Variants in CAMKMT observed in about 807,000 individuals in gnomAD.
CAMKMT encodes calmodulin-lysine N-methyltransferase.
Under a neutral mutation model 48.0 loss-of-function variants are expected in CAMKMT, and 53 were observed. The ratio of observed to expected loss-of-function variants is 1.10; its 90% CI spans 0.89 to 1.39. CAMKMT has a LOEUF of 1.39. CAMKMT is among the 40% of genes most tolerant of loss of function. The probability of loss-of-function intolerance (pLI) is 0.00; values close to 1 mark genes in which losing one functional copy is unlikely to be tolerated. For synonymous variants in CAMKMT, 165 were observed against 152.3 expected (o/e 1.08, Z -0.61); for missense variants, 428 against 402.7 (o/e 1.06, Z -0.54).
rs148741757 is a variant in CAMKMT, at chr2:44,615,546, C to T, written c.377-88737C>T. Among the ~76,000 whole-genome samples, 132 of 152,030 alleles carry T rather than the reference C, an allele frequency of 8.7e-4. 2 individuals carry two copies. The highest frequency in any genetic ancestry group is 3.1e-3 in the African/African-American group (127 of 41,480). On this transcript the variant is annotated intron_variant, in intron 3 of 10. Coordinates refer to ENST00000378494, the MANE Select transcript of CAMKMT (RefSeq NM_024766.5). Reference sequence around the variant, plus strand: ...CCAGGTTTCTGCCTTGGGTAGCTGGCAGGATGATGATGCAGTTCACTGAGG... The same window carrying T: ...CCAGGTTTCTGCCTTGGGTAGCTGGTAGGATGATGATGCAGTTCACTGAGG...
chr2:44,684,572 A>G (rs1407253926), intron 3 of CAMKMT, among the ~76,000 whole-genome samples: 2 of 152,164 alleles, frequency 1.3e-5, no homozygotes, highest in Non-Finnish European at 2.9e-5. Context: ...CCAGGCTCCT[A>G]TGATTAGAGA....
chr2:44,400,037 C>T (rs1426433674), intron 3 of CAMKMT, among the ~76,000 whole-genome samples: 1 of 152,168 alleles, frequency 6.6e-6, no homozygotes, highest in Non-Finnish European at 1.5e-5. Flanking sequence ...GTACCTTTCA[C>T]AAAGCCTGAC....
chr2:44,761,621 GT>G, intron 9 of CAMKMT, among the ~76,000 whole-genome samples: 2 of 152,300 alleles, frequency 1.3e-5, no homozygotes, highest in Middle Eastern at 6.8e-3. Flanking sequence ...TCAGAACACA[GT>G]TTGAGAACCA....
In CAMKMT at chr2:44,666,798, T is replaced by A. The variant is rs148656332; in HGVS notation, c.377-37485T>A. On this transcript the variant is annotated intron_variant, in intron 3 of 10. Coordinates refer to ENST00000378494, the MANE Select transcript of CAMKMT (RefSeq NM_024766.5). ...CTAATTTTTGTATTTTTAGTAAAGA[T>A]GGGATTTCTCCACGTTGGCCAGGAT... Among the ~76,000 whole-genome samples, 1,361 of 152,188 alleles carry A rather than the reference T, an allele frequency of 8.9e-3. 25 individuals are homozygous for A. The highest frequency in any genetic ancestry group is 0.031 in the African/African-American group (1,290 of 41,530).
chr2:44,558,275 A>G (rs1436459884), intron 3 of CAMKMT, among the ~76,000 whole-genome samples: 1 of 152,102 alleles, frequency 6.6e-6, no homozygotes, highest in Non-Finnish European at 1.5e-5. Context: ...CCTGAGCTCA[A>G]GTGAGCCTCC....
intron 3 of CAMKMT, among the ~76,000 whole-genome samples, chr2:44,640,772 A>G (rs962907138): frequency 2.0e-5 from 3 of 152,224 alleles, no homozygotes; most frequent in African/African-American, 7.2e-5. Flanking sequence ...TGTGGAGAGC[A>G]TGCCCTCTGT....
rs184144604 is a variant in CAMKMT, at chr2:44,581,766, T to C, written c.377-122517T>C. On this transcript the variant is annotated intron_variant, in intron 3 of 10. Transcript: ENST00000378494. ...CTGTAATCCCAGCACTTTGGGAGGC[T>C]GAGGCGGGTGGATCACAAAGTCAGG... 6.2e-3 allele frequency among the ~76,000 whole-genome samples: 940 copies of C among 152,320 alleles called. 11 individuals are homozygous for C. Among genetic ancestry groups the C allele is most frequent in the African/African-American group, 0.021 (891 of 41,576 alleles).
intron 3 of CAMKMT, chr2:44,549,853 C>T: frequency 2.6e-6 from 1 of 381,958 alleles, no homozygotes; most frequent in Non-Finnish European, 4.6e-6. Flanking sequence ...GACCCAGCTT[C>T]ATTGTGTTAA....
intron 3 of CAMKMT, among the ~76,000 whole-genome samples, chr2:44,416,857 G>C (rs999903192): frequency 6.6e-6 from 1 of 151,932 alleles, no homozygotes; most frequent in Non-Finnish European, 1.5e-5. Context: ...TTACAGGTGT[G>C]AGCCACCGCA....
intron 3 of CAMKMT, among the ~76,000 whole-genome samples, chr2:44,611,174 G>A (rs1039952108): frequency 1.3e-5 from 2 of 152,176 alleles, no homozygotes; most frequent in Non-Finnish European, 2.9e-5. Flanking sequence ...GCTCATGCCT[G>A]TAATCCCAGC....
At chr2:44,566,296 C>A (rs1009461769) in intron 3 of CAMKMT, among the ~76,000 whole-genome samples, 1 of 152,162 alleles carries the variant, frequency 6.6e-6, no homozygotes, top group Non-Finnish European at 1.5e-5. Context: ...TAAATTTTGA[C>A]ATATGGGTCT....
At chr2:44,699,128 CTGT>C (rs1677124888) in intron 3 of CAMKMT, among the ~76,000 whole-genome samples, 1 of 152,194 alleles carries the variant, frequency 6.6e-6, no homozygotes, top group Admixed American at 6.5e-5. Context: ...CTTCCAACTC[CTGT>C]TAACACTGAT....
At chr2:44,651,301 A>T (rs1185683235) in intron 3 of CAMKMT, among the ~76,000 whole-genome samples, 1 of 152,236 alleles carries the variant, frequency 6.6e-6, no homozygotes, top group Non-Finnish European at 1.5e-5. Flanking sequence ...TAGTCAACTG[A>T]CTTACGCATC....
intron 7 of CAMKMT, among the ~76,000 whole-genome samples, chr2:44,739,818 G>T (rs1293851306): frequency 1.3e-5 from 2 of 152,166 alleles, no homozygotes; most frequent in Non-Finnish European, 2.9e-5. Context: ...GAGAAATGGT[G>T]CAATAACTGT....
intron 2 of CAMKMT, among the ~76,000 whole-genome samples, chr2:44,382,542 G>A (rs1379791872): frequency 2.2e-4 from 33 of 150,884 alleles, no homozygotes; most frequent in African/African-American, 5.6e-4. Context: ...ACAGTGGCGC[G>A]ATCTCCACTC....
chr2:44,428,245 G>C (rs1447050973), intron 3 of CAMKMT, among the ~76,000 whole-genome samples: 1 of 152,192 alleles, frequency 6.6e-6, no homozygotes, highest in Non-Finnish European at 1.5e-5. Flanking sequence ...GCAGGATGGA[G>C]AGTTGGAAAT....
intron 3 of CAMKMT, among the ~76,000 whole-genome samples, chr2:44,684,700 C>T (rs1573072088): frequency 6.6e-6 from 1 of 152,162 alleles, no homozygotes; most frequent in East Asian, 1.9e-4. Context: ...AATGTGGATT[C>T]TTCCATGTTG....
chr2:44,494,924 A>G (rs1669686102), intron 3 of CAMKMT, among the ~76,000 whole-genome samples: 1 of 152,292 alleles, frequency 6.6e-6, no homozygotes, highest in East Asian at 1.9e-4. Context: ...AGCTCTTTCA[A>G]GGCAGGTACT....
chr2:44,505,860 T>C (rs1012118732), intron 3 of CAMKMT, among the ~76,000 whole-genome samples: 2 of 150,792 alleles, frequency 1.3e-5, no homozygotes, highest in African/African-American at 4.9e-5. Context: ...ATTTATTTAT[T>C]TATTTATTTA....
Sources: gnomAD v4.1 joint callset for allele counts (sites outside exome capture counted in the v4.1 genomes callset) on GRCh38, gnomAD v4.1.1 for gene constraint, MANE v1.5 for transcripts, NCBI Gene and HGNC (gene_info 2026-07-23, HGNC 2026-07-21) for gene names.